Variants in AFAP1L1 observed in about 807,000 individuals in gnomAD.
The protein encoded by AFAP1L1 is actin filament-associated protein 1-like 1.
A neutral mutation model predicts 99.8 loss-of-function variants in AFAP1L1; 77 were observed. That is an observed-to-expected ratio of 0.77 (90% CI 0.64 to 0.93). The LOEUF (loss-of-function observed/expected upper bound fraction) is 0.93, where lower values mean the gene tolerates loss of function less well. Ranked by LOEUF, AFAP1L1 falls within the 40% of genes least tolerant of loss-of-function variation. The pLI is 0.00. For missense variants in AFAP1L1, 893 were observed against 996.8 expected, an observed-to-expected ratio of 0.90 and a Z score of 1.40; for synonymous variants, 373 against 395.3, an observed-to-expected ratio of 0.94 and a Z score of 0.67.
intron 16 of AFAP1L1, among the ~76,000 whole-genome samples, chr5:149,331,379 G>A (rs1368704476): frequency 1.3e-5 from 2 of 152,198 alleles, no homozygotes; most frequent in Non-Finnish European, 2.9e-5. Flanking sequence ...CCAGCACTTT[G>A]GGAGGCTGAG....
chr5:149,330,778 T>C (rs983252442), intron 16 of AFAP1L1, among the ~76,000 whole-genome samples: 14 of 152,182 alleles, frequency 9.2e-5, no homozygotes, highest in Admixed American at 2.6e-4. Context: ...CTGTGTAACA[T>C]ATCAGATTAT....
rs554118009 is a variant in AFAP1L1 at position 149,343,499 on chromosome 5, A to G, written c.*3469A>G. ...CTATCCAACTTAATTAAGTCATTCA[A>G]CAAATACTTGAGTACCTACTATACT... On this transcript the variant is annotated 3_prime_UTR_variant, in exon 19 of 19. Transcript: ENST00000296721. 1.9e-3 allele frequency among the ~76,000 whole-genome samples: 285 copies of G among 152,292 alleles called. No individual in the cohort carries two copies. The highest frequency in any genetic ancestry group is 3.5e-3 in the Non-Finnish European group (238 of 68,022).
intron 1 of AFAP1L1, among the ~76,000 whole-genome samples, chr5:149,284,774 T>A (rs1755625497): frequency 6.6e-6 from 1 of 151,992 alleles, no homozygotes; most frequent in Non-Finnish European, 1.5e-5. Context: ...TTTGGGGAAA[T>A]TATTAAAGCC....
chr5:149,329,962 TCTCCTC>T, intron 16 of AFAP1L1, 132 bp downstream of exon 16: 1 of 681,030 alleles, frequency 1.5e-6, no homozygotes, highest in East Asian at 3.1e-5. Context: ...CCCTCCTCCT[TCTCCTC>T]CTCCTCCTCT....
rs1188218983 is a variant in AFAP1L1, at chr5:149,329,650, C to T, written c.1811-16C>T. ...GGTCAGAACTGAGGGCCTTTCCCTTCCCCATATCTCTGCAGGTGCCAATCA... is the reference window on the plus strand; with the variant it reads ...GGTCAGAACTGAGGGCCTTTCCCTTTCCCATATCTCTGCAGGTGCCAATCA... On this transcript the variant is annotated splice_polypyrimidine_tract_variant and intron_variant, in intron 15 of 18. Coordinates refer to ENST00000296721, the MANE Select transcript of AFAP1L1 (RefSeq NM_152406.4). 7 of 1,607,538 alleles carry T rather than the reference C, an allele frequency of 4.4e-6. No homozygotes were observed. In the African/African-American group the frequency reaches 6.7e-5, roughly 15 times the overall value.
At chr5:149,298,274 A>G (rs928200838) in intron 1 of AFAP1L1, among the ~76,000 whole-genome samples, 1 of 152,196 alleles carries the variant, frequency 6.6e-6, no homozygotes, top group Non-Finnish European at 1.5e-5. Flanking sequence ...AACTTCAAGC[A>G]AGTTATTTAT....
intron 1 of AFAP1L1, among the ~76,000 whole-genome samples, chr5:149,296,611 G>A (rs1224622952): frequency 1.3e-5 from 2 of 152,208 alleles, no homozygotes; most frequent in Admixed American, 1.3e-4. Context: ...GAGAATGCGC[G>A]TTGGGACAGT....
At chr5:149,280,725 ATATATCTAACCCCTTC>A (rs1379584372) in intron 1 of AFAP1L1, among the ~76,000 whole-genome samples, 2 of 152,156 alleles carry the variant, frequency 1.3e-5, no homozygotes, top group African/African-American at 2.4e-5. Context: ...AGCATCCATA[ATATATCTAACCCCTTC>A]TATCACCCTC....
intron 15 of AFAP1L1, among the ~76,000 whole-genome samples, chr5:149,324,137 T>C (rs1757029424): frequency 6.6e-6 from 1 of 152,228 alleles, no homozygotes; most frequent in Admixed American, 6.5e-5. Flanking sequence ...GGTTGTTTTT[T>C]AGATGAAGAA....
At chr5:149,272,216 A>G (rs1369119328) in intron 1 of AFAP1L1, among the ~76,000 whole-genome samples, 1 of 152,178 alleles carries the variant, frequency 6.6e-6, no homozygotes, top group African/African-American at 2.4e-5. Flanking sequence ...CTCGTGTGTG[A>G]AATCAGAGTT....
At chr5:149,273,195 A>G (rs967112424) in intron 1 of AFAP1L1, among the ~76,000 whole-genome samples, 1 of 149,166 alleles carries the variant, frequency 6.7e-6, no homozygotes, top group Non-Finnish European at 1.5e-5. Flanking sequence ...TAAACTAGTG[A>G]GTGCTGTGCC....
Position 149,322,614 on chromosome 5 carries a change from GC to G in AFAP1L1, c.1710del (p.Glu571SerfsTer8). 6.4e-7 allele frequency: 1 copy of G among 1,574,716 alleles called. No individual in the cohort carries two copies. ...CCTCCATCTCCCACCAGGACGAGGA[GC>G]CCGAGCGCCCCACAGGGGCCCAGGT... is the stretch of plus-strand genomic sequence containing the variant. The part of the protein sequence containing the change: ...VPYEKMQDEE[P>X]ERPTGAQVKR... On this transcript the variant is annotated frameshift_variant, in exon 15 of 19. Coordinates refer to ENST00000296721, the MANE Select transcript of AFAP1L1 (RefSeq NM_152406.4). LOFTEE classifies it high-confidence loss of function.
chr5:149,340,275 A>T lies in AFAP1L1; in HGVS notation c.*245A>T. On this transcript the variant is annotated 3_prime_UTR_variant, in exon 19 of 19. Transcript: ENST00000296721. Reference sequence around the variant, plus strand: ...AAAGGGTGGAAATGAGGATGGAGGGATACAGAAGTCTGCACAGCTGTAAAG... The same window carrying T: ...AAAGGGTGGAAATGAGGATGGAGGGTTACAGAAGTCTGCACAGCTGTAAAG... The T allele has an allele frequency of 2.0e-6, 1 of 492,548 alleles. No individual in the cohort carries two copies. The highest frequency in any genetic ancestry group is 3.7e-6 in the Non-Finnish European group (1 of 270,722). 30.5% of individuals were successfully genotyped at this position (492,548 alleles called of 1,614,324 possible).
At chr5:149,319,785 T>G in intron 13 of AFAP1L1, 58 bp downstream of exon 13, 2 of 1,590,268 alleles carry the variant, frequency 1.3e-6, no homozygotes, top group South Asian at 2.3e-5. Flanking sequence ...TCCATCCCTC[T>G]CAGAGGCTGA....
chr5:149,307,276 C>A (rs1207473268), intron 6 of AFAP1L1, 126 bp from the exon 7 acceptor site: 27 of 962,920 alleles, frequency 2.8e-5, no homozygotes, highest in Non-Finnish European at 4.2e-5. Flanking sequence ...TTAGTCATTA[C>A]CAGTGTCATG....
rs973656571 is a variant in AFAP1L1, at chr5:149,342,293, C to T, written c.*2263C>T. 1.3e-5 allele frequency among the ~76,000 whole-genome samples: 2 copies of T among 152,124 alleles called. No individual in the cohort carries two copies. Among genetic ancestry groups the T allele is most frequent in the Admixed American group, 6.5e-5 (1 of 15,284 alleles). ...GAAACCCTGAGATAAGTTATATTGC[C>T]CTAGTTTTCACAGTTCAGGAAATGG... On this transcript the variant is annotated 3_prime_UTR_variant, in exon 19 of 19. Transcript: ENST00000296721.
chr5:149,332,635 C>T (rs1460850495), intron 16 of AFAP1L1, 60 bp from the exon 17 acceptor site: 6 of 1,556,320 alleles, frequency 3.9e-6, no homozygotes, highest in Non-Finnish European at 4.3e-6. Flanking sequence ...GAGGCCCTGC[C>T]AGATTCCCTG....
intron 15 of AFAP1L1, among the ~76,000 whole-genome samples, chr5:149,327,401 A>G (rs551254122): frequency 6.6e-6 from 1 of 152,178 alleles, no homozygotes; most frequent in African/African-American, 2.4e-5. Flanking sequence ...TTCATACTGC[A>G]GGAGGAAATA....
chr5:149,303,032 T>G (rs1397543606), intron 5 of AFAP1L1, among the ~76,000 whole-genome samples: 2 of 151,920 alleles, frequency 1.3e-5, no homozygotes, highest in Non-Finnish European at 2.9e-5. Context: ...GCTGTCAGAG[T>G]AGAGTGGGGG....
Sources: allele counts gnomAD v4.1 joint callset (sites outside exome capture counted in the v4.1 genomes callset), GRCh38; gene constraint gnomAD v4.1.1; transcripts MANE v1.5; gene names NCBI Gene and HGNC (gene_info 2026-07-23, HGNC 2026-07-21).